Variants in VIT observed in about 807,000 individuals in gnomAD.
VIT encodes vitrin.
VIT carries 99 observed loss-of-function variants against 78.0 expected under a neutral mutation model. That is an observed-to-expected ratio of 1.27 (90% CI 1.08 to 1.50). VIT has a LOEUF of 1.50. Among genes scored for constraint, VIT ranks in the 40% most tolerant of loss-of-function variants. The pLI is 0.00. For missense variants in VIT, 1,126 were observed against 875.3 expected, an observed-to-expected ratio of 1.29 and a Z score of -3.61; for synonymous variants, 374 against 334.3, an observed-to-expected ratio of 1.12 and a Z score of -1.29.
rs370223648 is a variant in VIT at position 36,805,578 on chromosome 2, T to G, written c.1303T>G (p.Ser435Ala). The G allele has an allele frequency of 1.2e-6, 2 of 1,613,486 alleles. No homozygotes were observed. Among genetic ancestry groups the G allele is most frequent in the East Asian group, 2.2e-5 (1 of 44,842 alleles). ...GGAGGCTTCAAGACTTGCGAGAGAG[T>G]CAGGAATCAACATTTTCTTCATCAC... Reference protein sequence around the residue: ...VEEASRLARESGINIFFITIE... With the variant: ...VEEASRLAREAGINIFFITIE... The change falls in exon 14 of 16, where the codon TCA (serine) becomes GCA (alanine). Residue 435 changes from serine to alanine, a missense_variant. Transcript: ENST00000379242.
intron 9 of VIT, among the ~76,000 whole-genome samples, chr2:36,780,651 T>C (rs896413644): frequency 6.6e-6 from 1 of 152,234 alleles, no homozygotes; most frequent in African/African-American, 2.4e-5. Context: ...CAGTAACAGA[T>C]TGCCTTTCAA....
chr2:36,737,116 G>C (rs1312342180), intron 3 of VIT, among the ~76,000 whole-genome samples: 1 of 152,064 alleles, frequency 6.6e-6, no homozygotes, highest in Non-Finnish European at 1.5e-5. Flanking sequence ...TCTACAATAG[G>C]ACTCCTATTG....
intron 1 of VIT, among the ~76,000 whole-genome samples, chr2:36,703,544 C>T (rs1665204992): frequency 6.6e-6 from 1 of 152,154 alleles, no homozygotes; most frequent in Admixed American, 6.5e-5. Context: ...TGTGTTATGC[C>T]TGGTTACACT....
chr2:36,754,950 T>A lies in VIT; in HGVS notation c.305T>A (p.Ile102Lys). 1 of 1,614,078 alleles carries A rather than the reference T, an allele frequency of 6.2e-7. No homozygotes were observed. The highest frequency in any genetic ancestry group is 8.5e-7 in the Non-Finnish European group (1 of 1,179,994). ...GTGCTTGATAATTCAGGAGGGAAAA[T>A]ACTTGTTCGGAAGGTTGCTGGACAG... Reference protein sequence around the residue: ...SGVLDNSGGKILVRKVAGQSG... With the variant: ...SGVLDNSGGKKLVRKVAGQSG... The change falls in exon 5 of 16, where the codon ATA becomes AAA. Residue 102 changes from isoleucine (I) to lysine (K), a missense_variant. By Grantham distance (102) the Ile-to-Lys change is moderately radical (BLOSUM62 -3). Transcript: ENST00000379242.
At chr2:36,726,628 G>C (rs1238571645) in intron 2 of VIT, among the ~76,000 whole-genome samples, 2 of 152,036 alleles carry the variant, frequency 1.3e-5, no homozygotes. Flanking sequence ...GACTAGCCTG[G>C]CCAACATGGA....
At chr2:36,779,404 T>A (rs192212455) in intron 9 of VIT, among the ~76,000 whole-genome samples, 1 of 152,334 alleles carries the variant, frequency 6.6e-6, no homozygotes, top group Admixed American at 6.5e-5. Flanking sequence ...TAAACACCAA[T>A]GGCTTCTACA....
chr2:36,788,468 ATTAATAGATGAG>A (rs1441811263), intron 12 of VIT, among the ~76,000 whole-genome samples: 3 of 152,220 alleles, frequency 2.0e-5, no homozygotes, highest in Non-Finnish European at 4.4e-5. Flanking sequence ...GTCAGGAAAA[ATTAATAGATGAG>A]TTAACTGGCA....
rs116326096 is a variant in VIT at position 36,719,764 on chromosome 2, C to T, written c.52+3342C>T. 1.5e-3 allele frequency among the ~76,000 whole-genome samples: 235 copies of T among 152,210 alleles called. 1 individual carries two copies. Among genetic ancestry groups the T allele is most frequent in the African/African-American group, 5.4e-3 (224 of 41,510 alleles). On this transcript the variant is annotated intron_variant, in intron 2 of 15. Transcript: ENST00000379242. ...GACCAGCTTGCAAAGCATGGAGAAA[C>T]CCTGTATCTACCAATAAATTTTAAA...
chr2:36,814,405 G>C lies in VIT; in HGVS notation c.*44G>C. On this transcript the variant is annotated 3_prime_UTR_variant, in exon 16 of 16. Coordinates refer to ENST00000379242, the MANE Select transcript of VIT (RefSeq NM_053276.4). Reference sequence around the variant, plus strand: ...ACCAGCAAGTGCTGCTTTACTAACTGACGTGTTGGACCACCCCACCGCTTA... The same window carrying C: ...ACCAGCAAGTGCTGCTTTACTAACTCACGTGTTGGACCACCCCACCGCTTA... 1 of 1,605,206 alleles carries C rather than the reference G, an allele frequency of 6.2e-7. No homozygotes were observed. The highest frequency in any genetic ancestry group is 2.2e-5 in the East Asian group (1 of 44,752).
chr2:36,796,728 A>G (rs13423549), intron 12 of VIT, among the ~76,000 whole-genome samples: 10,916 of 152,056 alleles, frequency 0.072, 449 homozygotes, highest in African/African-American at 0.12. Flanking sequence ...TGGCCTCTCA[A>G]AGTGCTAGGA....
chr2:36,711,452 C>T (rs1665791566), intron 1 of VIT, among the ~76,000 whole-genome samples: 1 of 152,156 alleles, frequency 6.6e-6, no homozygotes, highest in South Asian at 2.1e-4. Flanking sequence ...AAGAAGGGTG[C>T]AGGATCAGGA....
intron 1 of VIT, among the ~76,000 whole-genome samples, chr2:36,702,523 A>G (rs1665130042): frequency 6.6e-6 from 1 of 152,218 alleles, no homozygotes; most frequent in South Asian, 2.1e-4. Flanking sequence ...ATTCAAGCTT[A>G]AAGTCTCATC....
At chr2:36,809,487 C>A (rs1341635074) in intron 15 of VIT, among the ~76,000 whole-genome samples, 1 of 152,164 alleles carries the variant, frequency 6.6e-6, no homozygotes, top group Non-Finnish European at 1.5e-5. Flanking sequence ...GTGCCATCTC[C>A]AATCACTGCA....
chr2:36,768,836 C>T (rs538919818), intron 7 of VIT, among the ~76,000 whole-genome samples: 19 of 152,328 alleles, frequency 1.2e-4, no homozygotes, highest in African/African-American at 4.6e-4. Flanking sequence ...ACATATATCT[C>T]ATTTACCAGG....
intron 1 of VIT, among the ~76,000 whole-genome samples, chr2:36,715,099 T>C (rs1666042267): frequency 6.6e-6 from 1 of 152,174 alleles, no homozygotes; most frequent in South Asian, 2.1e-4. Context: ...ACCATCTCTA[T>C]GAGGATTTCT....
chr2:36,799,164 G>C (rs1301188509), intron 12 of VIT, among the ~76,000 whole-genome samples: 1 of 152,144 alleles, frequency 6.6e-6, no homozygotes, highest in Non-Finnish European at 1.5e-5. Flanking sequence ...CACCCTCTGG[G>C]GATAGCATAG....
chr2:36,804,832 G>GA (rs796835021), intron 13 of VIT, among the ~76,000 whole-genome samples: 2,787 of 141,026 alleles, frequency 0.02, 79 homozygotes, highest in African/African-American at 0.066. Flanking sequence ...CTGTCTCAGG[G>GA]AAAAAAAAAA....
At chr2:36,717,218 G>A (rs1380261832) in intron 2 of VIT, among the ~76,000 whole-genome samples, 2 of 136,448 alleles carry the variant, frequency 1.5e-5, no homozygotes, top group East Asian at 4.4e-4. Context: ...AGTCTCTGTC[G>A]CCCAGGCTGG....
Position 36,712,613 on chromosome 2 carries a change from G to A in VIT, c.-18-3740G>A, listed in dbSNP as rs543283683. ...CAGACTTTGGGAGGCTGAGGCGGGT[G>A]GATCATGAGGTCAGGAGTTCCAGAC... On this transcript the variant is annotated intron_variant, in intron 1 of 15. Coordinates refer to ENST00000379242, the MANE Select transcript of VIT (RefSeq NM_053276.4). 2.0e-5 allele frequency among the ~76,000 whole-genome samples: 3 copies of A among 152,216 alleles called. No individual in the cohort carries two copies. The South Asian group carries it at 6.2e-4, about 32-fold the overall frequency.
Sources: gnomAD v4.1 joint callset for allele counts (sites outside exome capture counted in the v4.1 genomes callset) on GRCh38, gnomAD v4.1.1 for gene constraint, MANE v1.5 for transcripts, NCBI Gene and HGNC (gene_info 2026-07-23, HGNC 2026-07-21) for gene names.